Variants in TRIM49 observed in about 807,000 individuals in gnomAD.
TRIM49 encodes tripartite motif-containing protein 49.
Under a neutral mutation model 27.4 loss-of-function variants are expected in TRIM49, and 5 were observed. The observed-to-expected ratio is 0.18, with a 90% CI of 0.10 to 0.38. The LOEUF (loss-of-function observed/expected upper bound fraction) is 0.38, where lower values mean the gene tolerates loss of function less well. TRIM49 is among the 10% of genes least tolerant of loss of function. The pLI, the probability that TRIM49 is intolerant of heterozygous loss-of-function variation, is 1.00. For missense variants in TRIM49, 188 were observed against 487.5 expected (o/e 0.39, Z 5.79); for synonymous variants, 69 against 166.0 (o/e 0.42, Z 4.49).
the TRIM49 span, chr11:89,777,377 G>T: frequency 6.5e-7 from 1 of 1,534,020 alleles, no homozygotes; most frequent in South Asian, 1.2e-5. Context: ...GGGCTGCTGA[G>T]GAATGCAGGG....
chr11:89,802,949 G>A (rs1591514599), intron 4 of TRIM49, among the ~76,000 whole-genome samples: 1 of 149,942 alleles, frequency 6.7e-6, no homozygotes, highest in Non-Finnish European at 1.5e-5. Flanking sequence ...TTCTTTACTA[G>A]TATATTTTCT....
intron 4 of TRIM49, among the ~76,000 whole-genome samples, chr11:89,802,827 A>C (rs1949749547): frequency 6.7e-6 from 1 of 150,118 alleles, no homozygotes; most frequent in Non-Finnish European, 1.5e-5. Flanking sequence ...ATTATTCTCC[A>C]ACAAAAACCT....
the TRIM49 span, chr11:89,777,337 C>T: frequency 8.2e-5 from 125 of 1,532,468 alleles, 1 homozygote; most frequent in South Asian, 1.4e-3. Context: ...GTCACCAGAG[C>T]ACATGGCTCA....
In TRIM49 at chr11:89,800,137, T is replaced by C. The variant is rs551848453; in HGVS notation, c.762-324A>G. The stretch of plus-strand genomic sequence containing the variant: ...TTGGCAGACTCCCCTGACATCTTTG[T>C]CTGAAATAGCGGGGTTCTGGGGAGA... On this transcript the variant is annotated intron_variant, in intron 6 of 7. Coordinates refer to ENST00000329758, the MANE Select transcript of TRIM49 (RefSeq NM_020358.2). Among the ~76,000 whole-genome samples the C allele has an allele frequency of 6.1e-4, 92 of 151,140 alleles. 3 individuals are homozygous for C. In the South Asian group the frequency reaches 0.018, roughly 30 times the overall value.
At chr11:89,795,746 G>T (rs553152573), downstream of TRIM49, among the ~76,000 whole-genome samples, 1 of 120,146 alleles carries the variant, frequency 8.3e-6, no homozygotes, top group Non-Finnish European at 1.7e-5. Flanking sequence ...ATGGGGTGGG[G>T]GGAGGGGGAG....
chr11:89,786,049 CT>C, the TRIM49 span: 1 of 116,474 alleles, frequency 8.6e-6, no homozygotes, highest in African/African-American at 4.0e-5. Flanking sequence ...GAGGACCGCA[CT>C]GAATTCAAAG....
downstream of TRIM49, among the ~76,000 whole-genome samples, chr11:89,793,281 C>T (rs1400930479): frequency 2.0e-5 from 3 of 152,050 alleles, no homozygotes; most frequent in African/African-American, 7.3e-5. Flanking sequence ...CGGATGGATT[C>T]ACAGCTGACT....
intron 2 of TRIM49, among the ~76,000 whole-genome samples, chr11:89,805,633 C>G (rs1469112902): frequency 6.6e-6 from 1 of 151,270 alleles, no homozygotes; most frequent in Non-Finnish European, 1.5e-5. Context: ...ATTAATTTTC[C>G]TGATGAATTC....
chr11:89,766,886 C>T, the TRIM49 span: 3 of 801,334 alleles, frequency 3.7e-6, no homozygotes, highest in African/African-American at 7.5e-5. Context: ...CTCCCAGAGC[C>T]CAGTCCCAAG....
chr11:89,769,541 C>T, the TRIM49 span, among the ~76,000 whole-genome samples: 390 of 134,002 alleles, frequency 2.9e-3, 45 homozygotes, highest in Admixed American at 4.7e-3. Flanking sequence ...GACAAGAGTT[C>T]TTCGAGAACC....
At chr11:89,786,782 TGAA>T in the TRIM49 span, 1 of 138,710 alleles carries the variant, frequency 7.2e-6, no homozygotes, top group Non-Finnish European at 1.5e-5. Flanking sequence ...AAAGTGAAAA[TGAA>T]GAAAGGAGCT....
the TRIM49 span, among the ~76,000 whole-genome samples, chr11:89,772,277 C>G: frequency 5.2e-5 from 7 of 135,888 alleles, 2 homozygotes; most frequent in Non-Finnish European, 9.1e-5. Context: ...CGTTAATCAA[C>G]TGTGAATATT....
chr11:89,793,619 C>G (rs1248982060), downstream of TRIM49, among the ~76,000 whole-genome samples: 2 of 151,964 alleles, frequency 1.3e-5, no homozygotes, highest in African/African-American at 4.8e-5. Flanking sequence ...ATAAACAGAA[C>G]CAAAGACAAA....
At chr11:89,773,915 C>T in the TRIM49 span, among the ~76,000 whole-genome samples, 1 of 134,676 alleles carries the variant, frequency 7.4e-6, no homozygotes, top group Admixed American at 6.9e-5. Flanking sequence ...CCAGCCTGGG[C>T]GACAGAGCAA....
intron 2 of TRIM49, among the ~76,000 whole-genome samples, 159 bp downstream of exon 2, chr11:89,806,937 TAAC>T (rs1489441397): frequency 5.3e-5 from 8 of 149,902 alleles, no homozygotes; most frequent in Non-Finnish European, 1.0e-4. Context: ...AAGCACAAAA[TAAC>T]AACAATTAGT....
At chr11:89,784,794 A>G in the TRIM49 span, among the ~76,000 whole-genome samples, 1 of 145,620 alleles carries the variant, frequency 6.9e-6, no homozygotes, top group Non-Finnish European at 1.5e-5. Context: ...GAAAGACAGT[A>G]TTAGCTACTT....
At chr11:89,767,747 G>A in the TRIM49 span, among the ~76,000 whole-genome samples, 1 of 133,262 alleles carries the variant, frequency 7.5e-6, no homozygotes, top group African/African-American at 3.7e-5. Flanking sequence ...GTATGCTTTA[G>A]TTGATTAAAA....
At chr11:89,805,584 A>G (rs1030177257) in intron 2 of TRIM49, among the ~76,000 whole-genome samples, 37 of 151,826 alleles carry the variant, frequency 2.4e-4, no homozygotes, top group Non-Finnish European at 3.2e-4. Flanking sequence ...GCTTAGAGAC[A>G]GCCTATATTG....
At chr11:89,777,071 G>A in the TRIM49 span, 3 of 1,549,948 alleles carry the variant, frequency 1.9e-6, no homozygotes, top group Non-Finnish European at 2.6e-6. Flanking sequence ...ATTGACTGTG[G>A]GCACAGCTTT....
Sources: allele counts gnomAD v4.1 joint callset (sites outside exome capture counted in the v4.1 genomes callset), GRCh38; gene constraint gnomAD v4.1.1; transcripts MANE v1.5; gene names NCBI Gene and HGNC (gene_info 2026-07-23, HGNC 2026-07-21).